Variants in CTNNA2 observed in about 807,000 individuals in gnomAD.
CTNNA2 encodes the protein catenin alpha 2, also known as catenin alpha-2.
In CTNNA2, 42 loss-of-function variants were observed where a neutral mutation model predicts 101.0. The ratio of observed to expected loss-of-function variants is 0.42; its 90% CI spans 0.32 to 0.54. The LOEUF is 0.54. Among genes scored for constraint, CTNNA2 ranks in the 20% least tolerant of loss-of-function variants. The pLI is 0.14. For synonymous variants in CTNNA2, 450 were observed against 456.4 expected (o/e 0.99, Z 0.18); for missense variants, 871 against 1,223.1 (o/e 0.71, Z 4.29).
At chr2:79,813,205 G>C (rs1677190226) in intron 3 of CTNNA2, among the ~76,000 whole-genome samples, 1 of 152,148 alleles carries the variant, frequency 6.6e-6, no homozygotes, top group African/African-American at 2.4e-5. Context: ...TTCTACCACA[G>C]TTGCTGATCC....
chr2:80,532,564 T>C (rs983568640), intron 9 of CTNNA2, among the ~76,000 whole-genome samples: 11 of 152,212 alleles, frequency 7.2e-5, no homozygotes, highest in African/African-American at 2.2e-4. Flanking sequence ...TTACTAGTTA[T>C]TGTCAATCTC....
At chr2:80,309,380 A>T (rs1233136460) in intron 7 of CTNNA2, among the ~76,000 whole-genome samples, 2 of 152,012 alleles carry the variant, frequency 1.3e-5, no homozygotes, top group Non-Finnish European at 2.9e-5. Flanking sequence ...CTTCTTCTGA[A>T]CTCCATTAGC....
intron 3 of CTNNA2, among the ~76,000 whole-genome samples, chr2:79,814,638 C>CACACACACACACACACACACACAT (rs145584853): frequency 4.1e-5 from 6 of 147,062 alleles, no homozygotes; most frequent in African/African-American, 1.3e-4. Flanking sequence ...CACACACACA[C>CACACACACACACACACACACACAT]ATATATATAT....
intron 2 of CTNNA2, among the ~76,000 whole-genome samples, chr2:79,740,713 C>T (rs981226175): frequency 2.0e-5 from 3 of 152,106 alleles, no homozygotes; most frequent in African/African-American, 7.2e-5. Context: ...AGCAGCCTCT[C>T]ATTGTTAGAA....
At chr2:80,225,379 A>G (rs1284222317) in intron 7 of CTNNA2, among the ~76,000 whole-genome samples, 1 of 152,198 alleles carries the variant, frequency 6.6e-6, no homozygotes, top group Non-Finnish European at 1.5e-5. Context: ...TGGGATTCAG[A>G]ACTTAGGTTC....
At chr2:79,956,508 T>C (rs1689232325) in intron 7 of CTNNA2, among the ~76,000 whole-genome samples, 1 of 152,138 alleles carries the variant, frequency 6.6e-6, no homozygotes, top group Admixed American at 6.5e-5. Flanking sequence ...TATTCCCTTA[T>C]TTGAAGGTTT....
At chr2:79,629,206 G>A (rs1679524916) in intron 1 of CTNNA2, among the ~76,000 whole-genome samples, 1 of 152,156 alleles carries the variant, frequency 6.6e-6, no homozygotes. Context: ...ATTGCTGGGA[G>A]TTGAATTTCT....
chr2:79,673,661 C>T (rs1682995899), intron 2 of CTNNA2, among the ~76,000 whole-genome samples: 1 of 152,144 alleles, frequency 6.6e-6, no homozygotes, highest in South Asian at 2.1e-4. Context: ...TTTCAAAAAA[C>T]ACTCTTGTTT....
At chr2:79,906,220 C>A (rs1434532491) in intron 6 of CTNNA2, among the ~76,000 whole-genome samples, 1 of 151,912 alleles carries the variant, frequency 6.6e-6, no homozygotes, top group Admixed American at 6.6e-5. Flanking sequence ...ACACAAATAG[C>A]ACATATCTTG....
At chr2:80,361,364 T>A (rs1674390034) in intron 7 of CTNNA2, among the ~76,000 whole-genome samples, 1 of 152,142 alleles carries the variant, frequency 6.6e-6, no homozygotes, top group Non-Finnish European at 1.5e-5. Flanking sequence ...TTAGTTTTTT[T>A]ACTCAGCGTG....
chr2:80,082,778 A>G (rs1200222410), intron 7 of CTNNA2, among the ~76,000 whole-genome samples: 3 of 152,146 alleles, frequency 2.0e-5, no homozygotes, highest in African/African-American at 7.2e-5. Context: ...CTATAGCTTT[A>G]AATCACTTTT....
At chr2:79,431,460 C>T (rs570100855) in intron 4 of CTNNA2, among the ~76,000 whole-genome samples, 10 of 152,220 alleles carry the variant, frequency 6.6e-5, no homozygotes, top group Non-Finnish European at 1.5e-4. Context: ...TAAAAGGGCA[C>T]TTTTGAATAC....
At chr2:79,872,779 G>T (rs1404054354) in intron 5 of CTNNA2, among the ~76,000 whole-genome samples, 1 of 152,176 alleles carries the variant, frequency 6.6e-6, no homozygotes, top group African/African-American at 2.4e-5. Flanking sequence ...TCTATCATGT[G>T]CCAAATGAGC....
intron 18 of CTNNA2, among the ~76,000 whole-genome samples, chr2:80,629,822 A>G (rs1281102516): frequency 6.6e-6 from 1 of 152,222 alleles, no homozygotes; most frequent in Non-Finnish European, 1.5e-5. Context: ...TGCTGAACGT[A>G]TCCTGGAGTG....
intron 1 of CTNNA2, among the ~76,000 whole-genome samples, chr2:79,636,294 A>AAAAG (rs1558790607): frequency 6.1e-5 from 8 of 131,626 alleles, no homozygotes; most frequent in African/African-American, 2.4e-4. Context: ...AAAAAAAAAA[A>AAAAG]AAAAAGGAAG....
chr2:80,136,413 C>T (rs113651879), intron 7 of CTNNA2, among the ~76,000 whole-genome samples: 3 of 152,186 alleles, frequency 2.0e-5, no homozygotes, highest in Admixed American at 1.3e-4. Context: ...ATTGCCAATG[C>T]TAAGTTTGTT....
At chr2:80,030,918 A>G (rs1365517778) in intron 7 of CTNNA2, among the ~76,000 whole-genome samples, 1 of 152,222 alleles carries the variant, frequency 6.6e-6, no homozygotes, top group Non-Finnish European at 1.5e-5. Context: ...GAGGAAATAC[A>G]AGCTAAAAAT....
chr2:79,367,265 T>C (rs1412358357), intron 3 of CTNNA2, among the ~76,000 whole-genome samples: 1 of 152,184 alleles, frequency 6.6e-6, no homozygotes. Context: ...CTTGGACTTT[T>C]AGCCTCCAGA....
At chr2:79,646,522 G>GTT (rs1680829240) in intron 1 of CTNNA2, among the ~76,000 whole-genome samples, 1 of 119,342 alleles carries the variant, frequency 8.4e-6, no homozygotes, top group African/African-American at 3.1e-5. Context: ...TTTTCTTTCT[G>GTT]TCTTTTTTTT....
Sources: gnomAD v4.1 joint callset for allele counts (sites outside exome capture counted in the v4.1 genomes callset) on GRCh38, gnomAD v4.1.1 for gene constraint, MANE v1.5 for transcripts, NCBI Gene and HGNC (gene_info 2026-07-23, HGNC 2026-07-21) for gene names.